Variants in JAK2 observed in about 807,000 individuals in gnomAD.
JAK2 encodes the protein Janus kinase 2.
A neutral mutation model predicts 139.3 loss-of-function variants in JAK2; 86 were observed. The observed-to-expected ratio is 0.62, with a 90% confidence interval of 0.52 to 0.74. JAK2 has a LOEUF of 0.74. Ranked by LOEUF, JAK2 falls within the 30% of genes least tolerant of loss-of-function variation. The pLI, the probability that JAK2 is intolerant of heterozygous loss-of-function variation, is 0.00. For missense variants in JAK2, 1,421 were observed against 1,360.3 expected (o/e 1.04, Z -0.70); for synonymous variants, 490 against 437.7 (o/e 1.12, Z -1.49).
At chr9:5,122,803 G>C (rs1271323404) in intron 22 of JAK2, among the ~76,000 whole-genome samples, 3 of 151,834 alleles carry the variant, frequency 2.0e-5, no homozygotes, top group African/African-American at 7.3e-5. Context: ...CTCTTATTTA[G>C]GGAATTGTGG....
At chr9:5,042,611 C>CCAGT in intron 4 of JAK2, among the ~76,000 whole-genome samples, 1 of 110,230 alleles carries the variant, frequency 9.1e-6, no homozygotes, top group African/African-American at 4.6e-5. Flanking sequence ...GCCCAGCCAG[C>CCAGT]TGCCCCCGTT....
At chr9:5,100,671 T>G (rs1381365597) in intron 22 of JAK2, 1 of 152,194 alleles carries the variant, frequency 6.6e-6, no homozygotes, top group African/African-American at 2.4e-5. Flanking sequence ...TTCAGTTACT[T>G]CGGCTCATCA....
chr9:5,111,144 C>T (rs1243117529), intron 22 of JAK2: 5 of 946,082 alleles, frequency 5.3e-6, no homozygotes, highest in South Asian at 2.7e-5. Flanking sequence ...TCAGCGAAGG[C>T]GCTCAACTTG....
chr9:5,011,794 A>G (rs562201894), intron 2 of JAK2, among the ~76,000 whole-genome samples: 3 of 152,334 alleles, frequency 2.0e-5, no homozygotes, highest in Middle Eastern at 3.4e-3. Context: ...TTACTAGCAG[A>G]CCAACTTGAT....
rs775495966 is a variant in JAK2, at chr9:5,126,757, G to C, written c.3365G>C (p.Arg1122Pro). The change falls in exon 25 of 25, where the codon CGA becomes CCA. Residue 1122 changes from arginine (R) to proline (P), a missense_variant. Transcript: ENST00000381652. ...CCCTCCTTTAGGGATCTAGCTCTTCGAGTGGATCAAATAAGGGATAACATG... is the reference window on the plus strand; with the variant it reads ...CCCTCCTTTAGGGATCTAGCTCTTCCAGTGGATCAAATAAGGGATAACATG... ...QRPSFRDLAL[R>P]VDQIRDNMAG 3 of 1,610,108 alleles carry C rather than the reference G, an allele frequency of 1.9e-6. No homozygotes were observed. Among genetic ancestry groups the C allele is most frequent in the Non-Finnish European group, 1.7e-6 (2 of 1,177,020 alleles).
chr9:5,005,468 A>T (rs1472912210), intron 2 of JAK2, among the ~76,000 whole-genome samples: 1 of 152,082 alleles, frequency 6.6e-6, no homozygotes, highest in African/African-American at 2.4e-5. Context: ...AATCTGGTAT[A>T]ATGATTGATT....
intron 3 of JAK2, among the ~76,000 whole-genome samples, chr9:5,023,512 T>C (rs990407994): frequency 4.6e-5 from 7 of 152,172 alleles, no homozygotes; most frequent in African/African-American, 1.4e-4. Context: ...CAGCCCTCTA[T>C]GTGAATTTTT....
At chr9:5,085,649 T>G (rs1334851609) in intron 19 of JAK2, 5 of 723,768 alleles carry the variant, frequency 6.9e-6, no homozygotes, top group Non-Finnish European at 1.0e-5. Context: ...CCCCAGATCT[T>G]GTGTGTTTTC....
At chr9:5,120,806 G>T (rs538566432) in intron 22 of JAK2, among the ~76,000 whole-genome samples, 4 of 152,128 alleles carry the variant, frequency 2.6e-5, no homozygotes, top group African/African-American at 9.7e-5. Flanking sequence ...TGAAAGATGC[G>T]TCAAAAATAA....
At chr9:5,112,528 G>A in intron 22 of JAK2, 1 of 589,894 alleles carries the variant, frequency 1.7e-6, no homozygotes, top group African/African-American at 1.9e-5. Flanking sequence ...AGAGCAGAAG[G>A]CCGAGTGGGA....
chr9:5,097,800 C>A (rs1001588403), intron 22 of JAK2: 1 of 152,216 alleles, frequency 6.6e-6, no homozygotes, highest in Admixed American at 6.5e-5. Context: ...TCCACTACGT[C>A]CTATCACCAG....
chr9:5,081,020 T>C (rs1032985136), intron 18 of JAK2, among the ~76,000 whole-genome samples: 7 of 150,544 alleles, frequency 4.6e-5, no homozygotes, highest in South Asian at 2.1e-4. Flanking sequence ...CTCAGCCTCC[T>C]GAGTAGCTGG....
chr9:5,010,828 A>G (rs561999371), intron 2 of JAK2, among the ~76,000 whole-genome samples: 5 of 152,072 alleles, frequency 3.3e-5, no homozygotes, highest in Non-Finnish European at 5.9e-5. Flanking sequence ...CTGAAAACAT[A>G]TTTGTTTTGC....
At chr9:5,119,864 T>C (rs965154317) in intron 22 of JAK2, among the ~76,000 whole-genome samples, 190 of 152,310 alleles carry the variant, frequency 1.2e-3, no homozygotes, top group African/African-American at 4.4e-3. Flanking sequence ...ATTTTTATAT[T>C]TGCAAGTAGA....
intron 2 of JAK2, among the ~76,000 whole-genome samples, chr9:5,013,079 T>C (rs1395059762): frequency 6.6e-6 from 1 of 152,170 alleles, no homozygotes; most frequent in African/African-American, 2.4e-5. Context: ...AAGAGAAGAA[T>C]AAAGGTTGAC....
intron 2 of JAK2, among the ~76,000 whole-genome samples, chr9:5,018,564 C>T (rs1296722975): frequency 6.6e-6 from 1 of 152,134 alleles, no homozygotes; most frequent in Non-Finnish European, 1.5e-5. Context: ...CTCTTGAACT[C>T]CTGGGCTCAA....
At chr9:5,063,078 C>G in intron 8 of JAK2, among the ~76,000 whole-genome samples, 1 of 152,188 alleles carries the variant, frequency 6.6e-6, no homozygotes, top group Middle Eastern at 3.4e-3. Context: ...ATAGTTCAAA[C>G]ATGTCACATG....
intron 23 of JAK2, among the ~76,000 whole-genome samples, 160 bp downstream of exon 23, chr9:5,123,281 TTAAA>T (rs1337652970): frequency 1.3e-5 from 2 of 151,998 alleles, no homozygotes; most frequent in Admixed American, 1.3e-4. Context: ...ATTGTATCCC[TTAAA>T]TAATTTCTCA....
chr9:5,108,250 C>A (rs900390811), intron 22 of JAK2: 6 of 152,204 alleles, frequency 3.9e-5, no homozygotes, highest in Non-Finnish European at 7.4e-5. Context: ...ATAGCATTCA[C>A]AGCCACAGAA....
Sources: gnomAD v4.1 joint callset for allele counts (sites outside exome capture counted in the v4.1 genomes callset) on GRCh38, gnomAD v4.1.1 for gene constraint, MANE v1.5 for transcripts, NCBI Gene and HGNC (gene_info 2026-07-23, HGNC 2026-07-21) for gene names.